NLGN1: variants seen among roughly 807,000 people sequenced by gnomAD.
NLGN1 encodes the protein neuroligin 1.
Under a neutral mutation model 65.5 loss-of-function variants are expected in NLGN1, and 12 were observed. The observed-to-expected ratio is 0.18, with a 90% confidence interval of 0.12 to 0.30. NLGN1 has a LOEUF of 0.30. Ranked by LOEUF, NLGN1 falls within the 10% of genes least tolerant of loss-of-function variation. The pLI is 1.00. For synonymous variants in NLGN1, 350 were observed against 359.5 expected (o/e 0.97, Z 0.30); for missense variants, 750 against 1,007.1 (o/e 0.74, Z 3.46).
At chr3:174,156,710 A>T (rs1725510437) in intron 4 of NLGN1, among the ~76,000 whole-genome samples, 1 of 151,788 alleles carries the variant, frequency 6.6e-6, no homozygotes, top group Non-Finnish European at 1.5e-5. Flanking sequence ...GCAAATCTGA[A>T]AAAGTATGAT....
intron 2 of NLGN1, among the ~76,000 whole-genome samples, chr3:173,508,798 C>T (rs1050064983): frequency 1.3e-5 from 2 of 152,172 alleles, no homozygotes; most frequent in African/African-American, 2.4e-5. Flanking sequence ...ACTCTCCTCT[C>T]CAGGGCTAAC....
chr3:174,069,398 G>A (rs1739343489), intron 4 of NLGN1, among the ~76,000 whole-genome samples: 1 of 152,184 alleles, frequency 6.6e-6, no homozygotes, highest in Admixed American at 6.6e-5. Flanking sequence ...AGACATGAGA[G>A]AGGAGGCCAG....
intron 2 of NLGN1, among the ~76,000 whole-genome samples, chr3:173,597,423 A>G (rs9872019): frequency 0.073 from 11,125 of 152,196 alleles, 1,365 homozygotes; most frequent in African/African-American, 0.25. Flanking sequence ...GGTGACCTAC[A>G]ATAGTAGCTG....
At chr3:174,169,749 TC>T (rs1410490852) in intron 4 of NLGN1, among the ~76,000 whole-genome samples, 1 of 152,070 alleles carries the variant, frequency 6.6e-6, no homozygotes, top group Non-Finnish European at 1.5e-5. Context: ...GCTACGAGTC[TC>T]ACCACCCAGG....
intron 3 of NLGN1, among the ~76,000 whole-genome samples, chr3:173,617,320 C>T (rs1347866581): frequency 1.3e-5 from 2 of 152,082 alleles, no homozygotes. Context: ...CTCTCACTGC[C>T]CCAGAAGAAC....
At chr3:173,799,234 G>A (rs1404442008) in intron 3 of NLGN1, among the ~76,000 whole-genome samples, 6 of 151,828 alleles carry the variant, frequency 4.0e-5, no homozygotes, top group Non-Finnish European at 7.4e-5. Context: ...CTTTTTGCAT[G>A]AGGATTATTA....
intron 1 of NLGN1, among the ~76,000 whole-genome samples, chr3:173,419,478 C>A (rs1046133293): frequency 6.6e-6 from 1 of 151,840 alleles, no homozygotes; most frequent in Non-Finnish European, 1.5e-5. Flanking sequence ...TATGATCATG[C>A]TGATCTTAGC....
chr3:173,855,049 T>C (rs915915009), intron 4 of NLGN1, among the ~76,000 whole-genome samples: 2 of 152,008 alleles, frequency 1.3e-5, no homozygotes, highest in Non-Finnish European at 2.9e-5. Context: ...TTTTAACTGT[T>C]AGAAAGAAGG....
intron 4 of NLGN1, among the ~76,000 whole-genome samples, chr3:174,193,865 C>A (rs1055167962): frequency 2.6e-5 from 4 of 152,008 alleles, no homozygotes; most frequent in Non-Finnish European, 5.9e-5. Flanking sequence ...ATTACAAATT[C>A]TTCTCTGACA....
chr3:173,814,876 C>T (rs534754115), intron 4 of NLGN1, among the ~76,000 whole-genome samples: 2 of 152,142 alleles, frequency 1.3e-5, no homozygotes, highest in Admixed American at 6.5e-5. Context: ...TAGCAATTAC[C>T]TATATAAATT....
intron 1 of NLGN1, among the ~76,000 whole-genome samples, chr3:173,416,305 A>C (rs1223469235): frequency 6.6e-6 from 1 of 152,176 alleles, no homozygotes; most frequent in Non-Finnish European, 1.5e-5. Context: ...AAATAGAGAT[A>C]ATATCTTCCT....
chr3:173,474,363 AATT>A (rs1725828745), intron 2 of NLGN1, among the ~76,000 whole-genome samples: 1 of 152,170 alleles, frequency 6.6e-6, no homozygotes. Context: ...GAAAAGTGGC[AATT>A]ATTCTGTGAA....
chr3:173,931,768 C>A (rs553746279), intron 4 of NLGN1, among the ~76,000 whole-genome samples: 18 of 152,222 alleles, frequency 1.2e-4, no homozygotes, highest in African/African-American at 4.1e-4. Context: ...TTAACTGCAT[C>A]ATTCTGGCTT....
At position 173,432,997 on chromosome 3, in the gene NLGN1, A is replaced by G. The variant is rs1717463873; in HGVS notation, c.-389-2013A>G. Among the ~76,000 whole-genome samples, 3 of 145,238 alleles carry G rather than the reference A, an allele frequency of 2.1e-5. No individual in the cohort carries two copies. The South Asian group carries it at 6.2e-4, about 30-fold the overall frequency. On this transcript the variant is annotated intron_variant, in intron 1 of 6. Coordinates refer to ENST00000457714, the Ensembl canonical transcript of NLGN1. ...TCTCTTTATATTTCTCTATCTTTCT[A>G]TCTATTAAAAATAATGAGTTTGCAC...
At chr3:174,052,594 A>G (rs1191787509) in intron 4 of NLGN1, among the ~76,000 whole-genome samples, 1 of 152,070 alleles carries the variant, frequency 6.6e-6, no homozygotes, top group Non-Finnish European at 1.5e-5. Flanking sequence ...TGGCAATAAA[A>G]ATCAGCTGGA....
chr3:173,903,735 G>A (rs1402377013), intron 4 of NLGN1, among the ~76,000 whole-genome samples: 1 of 152,152 alleles, frequency 6.6e-6, no homozygotes, highest in Admixed American at 6.6e-5. Flanking sequence ...AAACAATGAA[G>A]CGATTGCTGA....
chr3:173,774,869 G>T (rs1780074419), intron 3 of NLGN1, among the ~76,000 whole-genome samples: 1 of 151,834 alleles, frequency 6.6e-6, no homozygotes, highest in African/African-American at 2.4e-5. Context: ...TATTCTGTCA[G>T]TTTAACATAG....
At chr3:173,702,292 G>C (rs1001153279) in intron 3 of NLGN1, among the ~76,000 whole-genome samples, 1 of 151,662 alleles carries the variant, frequency 6.6e-6, no homozygotes, top group Non-Finnish European at 1.5e-5. Flanking sequence ...TGGGGTAAAA[G>C]TGGGTGTGCG....
rs533467814 is a variant in NLGN1 at position 173,641,696 on chromosome 3, A to G, written c.493+36605A>G. On this transcript the variant is annotated intron_variant, in intron 3 of 6. Coordinates refer to ENST00000457714, the Ensembl canonical transcript of NLGN1. ...AAACTCTCATTTCTTTAAATGGAGT[A>G]TAATATTTTGAAAACAAGATGTTAA... is the stretch of plus-strand genomic sequence containing the variant. Among the ~76,000 whole-genome samples the G allele has an allele frequency of 2.6e-5, 4 of 152,348 alleles. No homozygotes were observed. In the South Asian group the frequency reaches 8.3e-4, roughly 32 times the overall value.
Sources: gnomAD v4.1 joint callset for allele counts (sites outside exome capture counted in the v4.1 genomes callset) on GRCh38, gnomAD v4.1.1 for gene constraint, MANE v1.5 for transcripts, NCBI Gene and HGNC (gene_info 2026-07-23, HGNC 2026-07-21) for gene names.